The following IQCM variants were observed in gnomAD, a reference collection of about 807,000 sequenced individuals.
IQCM encodes the protein IQ domain-containing protein M.
IQCM carries 45 observed loss-of-function variants against 57.6 expected under a neutral mutation model. That is an observed-to-expected ratio of 0.78 (90% confidence interval 0.62 to 1.00). IQCM has a LOEUF of 1.00. Ranked by LOEUF, IQCM falls within the 50% of genes least tolerant of loss-of-function variation. The pLI, the probability that IQCM is intolerant of heterozygous loss-of-function variation, is 0.00. For missense variants in IQCM, 468 were observed against 511.6 expected (o/e 0.91, Z 0.82); for synonymous variants, 148 against 158.9 (o/e 0.93, Z 0.51).
chr4:149,761,942 G>C (rs541260198), intron 2 of IQCM, among the ~76,000 whole-genome samples: 25 of 152,108 alleles, frequency 1.6e-4, no homozygotes, highest in Non-Finnish European at 2.4e-4. Flanking sequence ...TATGAAAAGA[G>C]TTATATGATA....
chr4:149,759,949 C>A (rs1249313933), intron 2 of IQCM, among the ~76,000 whole-genome samples: 1 of 149,148 alleles, frequency 6.7e-6, no homozygotes, highest in African/African-American at 2.5e-5. Context: ...AGATTGTGAA[C>A]AAAATCAAAA....
At chr4:149,394,392 ACTT>A (rs1732078670) in intron 13 of IQCM, among the ~76,000 whole-genome samples, 1 of 151,900 alleles carries the variant, frequency 6.6e-6, no homozygotes, top group Non-Finnish European at 1.5e-5. Context: ...TCTGTTGTGT[ACTT>A]CATCATTTTC....
intron 12 of IQCM, chr4:149,514,494 CAG>C (rs1744739211): frequency 6.6e-6 from 1 of 152,170 alleles, no homozygotes; most frequent in South Asian, 2.1e-4. Context: ...CAATGACTAT[CAG>C]AGGCATAGGA....
At chr4:149,496,214 A>T (rs553416402) in intron 12 of IQCM, among the ~76,000 whole-genome samples, 1 of 152,226 alleles carries the variant, frequency 6.6e-6, no homozygotes, top group African/African-American at 2.4e-5. Context: ...TTTTAGCCCA[A>T]CCCAATATAA....
At chr4:149,731,507 G>A (rs546601820) in intron 5 of IQCM, among the ~76,000 whole-genome samples, 1 of 152,318 alleles carries the variant, frequency 6.6e-6, no homozygotes, top group East Asian at 1.9e-4. Context: ...AGAACAGACT[G>A]AGATAGTCTC....
intron 5 of IQCM, among the ~76,000 whole-genome samples, chr4:149,701,999 C>T (rs1005664316): frequency 6.6e-6 from 1 of 151,866 alleles, no homozygotes; most frequent in African/African-American, 2.4e-5. Flanking sequence ...ACATAACAAG[C>T]CCAAGAGCCT....
intron 12 of IQCM, among the ~76,000 whole-genome samples, chr4:149,502,286 T>A: frequency 6.6e-6 from 1 of 152,062 alleles, no homozygotes; most frequent in East Asian, 1.9e-4. Context: ...AAATGGATTC[T>A]TAAACCAGAG....
At chr4:149,709,091 T>C (rs766721645) in intron 5 of IQCM, among the ~76,000 whole-genome samples, 1 of 152,128 alleles carries the variant, frequency 6.6e-6, no homozygotes, top group Non-Finnish European at 1.5e-5. Flanking sequence ...AGTTGTTTCA[T>C]AGCAGTTTAT....
At chr4:149,511,124 T>C (rs756318623) in intron 12 of IQCM, among the ~76,000 whole-genome samples, 61 of 152,356 alleles carry the variant, frequency 4.0e-4, no homozygotes, top group East Asian at 1.2e-3. Context: ...AGCTTCATTC[T>C]GACATGTCTA....
At chr4:149,435,632 A>G (rs1735286780) in intron 12 of IQCM, among the ~76,000 whole-genome samples, 1 of 151,960 alleles carries the variant, frequency 6.6e-6, no homozygotes, top group Non-Finnish European at 1.5e-5. Flanking sequence ...ATTCCAGAAG[A>G]AAGCATTGTT....
chr4:149,491,970 C>T (rs138194415), intron 12 of IQCM, among the ~76,000 whole-genome samples: 191 of 151,904 alleles, frequency 1.3e-3, no homozygotes, highest in Middle Eastern at 3.4e-3. Context: ...AAGCTGATAT[C>T]ATTGTGGTTT....
At chr4:149,706,333 G>C (rs1414800622) in intron 5 of IQCM, among the ~76,000 whole-genome samples, 7 of 151,944 alleles carry the variant, frequency 4.6e-5, no homozygotes, top group Non-Finnish European at 1.0e-4. Flanking sequence ...ATTCAGGTAA[G>C]GTATTGCAAA....
At chr4:149,795,559 C>A (rs540251651) in intron 2 of IQCM, among the ~76,000 whole-genome samples, 50 of 152,246 alleles carry the variant, frequency 3.3e-4, no homozygotes, top group African/African-American at 1.2e-3. Context: ...AATGGACTCA[C>A]GGGACATGCA....
At chr4:149,660,078 C>G (rs1760032021) in intron 7 of IQCM, among the ~76,000 whole-genome samples, 1 of 151,280 alleles carries the variant, frequency 6.6e-6, no homozygotes, top group Admixed American at 6.6e-5. Flanking sequence ...TTGCAACCTA[C>G]TCATCTGACA....
intron 5 of IQCM, among the ~76,000 whole-genome samples, chr4:149,690,227 G>A (rs1297645783): frequency 6.6e-6 from 1 of 151,980 alleles, no homozygotes; most frequent in Non-Finnish European, 1.5e-5. Context: ...CACACACAAT[G>A]GAATATTACT....
At chr4:149,474,241 G>A (rs1203132476) in intron 12 of IQCM, among the ~76,000 whole-genome samples, 1 of 151,954 alleles carries the variant, frequency 6.6e-6, no homozygotes, top group African/African-American at 2.4e-5. Context: ...CAGAGATCAG[G>A]AGAGAGGACT....
chr4:149,800,774 T>C (rs1360382569), intron 2 of IQCM, among the ~76,000 whole-genome samples: 1 of 151,654 alleles, frequency 6.6e-6, no homozygotes, highest in African/African-American at 2.4e-5. Context: ...TAGGAATTAA[T>C]CAAAGAAGTG....
At position 149,671,778 on chromosome 4, in the gene IQCM, T is replaced by C. The variant is rs190374896; in HGVS notation, c.565+10340A>G. Among the ~76,000 whole-genome samples, 720 of 152,310 alleles carry C rather than the reference T, an allele frequency of 4.7e-3. 8 individuals carry two copies. Among genetic ancestry groups the C allele is most frequent in the African/African-American group, 0.017 (698 of 41,554 alleles). Reference sequence around the variant, plus strand: ...AGCAGGTTGTTCAGTTTCCATGTAGTTGAGCAGTTTTGAGTGAGTTTCTTA... The same window carrying C: ...AGCAGGTTGTTCAGTTTCCATGTAGCTGAGCAGTTTTGAGTGAGTTTCTTA... On this transcript the variant is annotated intron_variant, in intron 7 of 13. Coordinates refer to ENST00000636793, the MANE Select transcript of IQCM (RefSeq NM_001363507.2).
chr4:149,671,188 A>G (rs193007002), intron 7 of IQCM, among the ~76,000 whole-genome samples: 1 of 152,222 alleles, frequency 6.6e-6, no homozygotes, highest in East Asian at 1.9e-4. Context: ...CAGGGATTCA[A>G]CTTCTTCCTG....
Sources: allele counts gnomAD v4.1 joint callset (sites outside exome capture counted in the v4.1 genomes callset), GRCh38; gene constraint gnomAD v4.1.1; transcripts MANE v1.5; gene names NCBI Gene and HGNC (gene_info 2026-07-23, HGNC 2026-07-21).